The following ARHGEF4 variants were observed in gnomAD, a reference collection of about 807,000 sequenced individuals.
The protein encoded by ARHGEF4 is Rho guanine nucleotide exchange factor 4.
ARHGEF4 carries 119 observed loss-of-function variants against 162.0 expected under a neutral mutation model. That is an observed-to-expected ratio of 0.73 (90% confidence interval 0.63 to 0.86). The LOEUF (loss-of-function observed/expected upper bound fraction) is 0.86. Among genes scored for constraint, ARHGEF4 ranks in the 40% least tolerant of loss-of-function variants. The pLI, the probability that ARHGEF4 is intolerant of heterozygous loss-of-function variation, is 0.00. For missense variants in ARHGEF4, 2,488 were observed against 2,456.0 expected, an observed-to-expected ratio of 1.01 and a Z score of -0.28; for synonymous variants, 1,014 against 979.9, an observed-to-expected ratio of 1.03 and a Z score of -0.65.
intron 4 of ARHGEF4, among the ~76,000 whole-genome samples, chr2:130,982,583 C>CCCCTCCTCCTCCTTT (rs1686195934): frequency 6.9e-6 from 1 of 144,404 alleles, no homozygotes; most frequent in Non-Finnish European, 1.5e-5. Flanking sequence ...CCTTCTCCTC[C>CCCCTCCTCCTCCTTT]CCCTCCTCCT....
chr2:130,971,848 T>G (rs564632849), intron 4 of ARHGEF4, among the ~76,000 whole-genome samples: 12 of 152,302 alleles, frequency 7.9e-5, no homozygotes, highest in African/African-American at 2.6e-4. Flanking sequence ...CAGACCTCAC[T>G]GCAGTGCCTA....
Position 130,916,736 on chromosome 2 carries a change from C to T in ARHGEF4, c.2790C>T (p.Thr930=). 6.4e-7 allele frequency: 1 copy of T among 1,550,590 alleles called. No individual in the cohort carries two copies. Among genetic ancestry groups the T allele is most frequent in the Non-Finnish European group, 8.7e-7 (1 of 1,147,024 alleles). ...CAATAGTTCTAGAGAAAGAGAACAC[C>T]CATGAACGTTCCCCAAGTTCTCCCA... ...IESIVLEKEN[T]HERSPSSPKG... Residue 930 remains threonine (T), a synonymous_variant, in exon 2 of 14, where the codon ACC becomes ACT. Transcript: ENST00000409359.
chr2:130,914,383 G>A lies in ARHGEF4; in HGVS notation c.437G>A (p.Trp146Ter), dbSNP rs1049921697. The A allele has an allele frequency of 1.5e-5, 22 of 1,445,442 alleles. No individual in the cohort carries two copies. Among genetic ancestry groups the A allele is most frequent in the African/African-American group, 2.9e-5 (2 of 70,082 alleles). 89.5% of individuals were successfully genotyped at this position (1,445,442 alleles called of 1,614,324 possible). A position where few individuals can be genotyped will look rare whatever the true frequency, so the allele number is the denominator to read the frequency against. Residue 146 changes from tryptophan to a stop codon, truncating the protein, a stop_gained, in exon 2 of 14, where the codon TGG becomes TAG. Coordinates refer to ENST00000409359, the MANE Select transcript of ARHGEF4 (RefSeq NM_001367493.1). LOFTEE classifies it high-confidence loss of function. ...GAGGATGACTCTTGCAAAAATGGGT[G>A]GCGAGCCTTTGCCACAGTTGCTGGA... Reference protein sequence around the residue: ...SLEDDSCKNGWRAFATVAGEQ... With the variant: ...SLEDDSCKNG
rs1199774001 is a variant in ARHGEF4, at chr2:130,917,108, G to T, written c.3162G>T (p.Ala1054=). 1 of 1,550,392 alleles carries T rather than the reference G, an allele frequency of 6.4e-7. No homozygotes were observed. Among genetic ancestry groups the T allele is most frequent in the Admixed American group, 2.0e-5 (1 of 50,994 alleles). The stretch of plus-strand genomic sequence containing the variant: ...TCTTTCCGGAAAAGTCCTGGCTGGC[G>T]TCCCCCGGCAGCCCTCGGGCCCAGC... ...SGIFPEKSWL[A]SPGSPRAQQA... The change falls in exon 2 of 14, where the codon GCG becomes GCT. Residue 1054 remains alanine (A), a synonymous_variant. Coordinates refer to ENST00000409359, the MANE Select transcript of ARHGEF4 (RefSeq NM_001367493.1).
chr2:131,007,324 TCTC>T (rs1280075450), intron 4 of ARHGEF4, among the ~76,000 whole-genome samples: 1 of 152,092 alleles, frequency 6.6e-6, no homozygotes, highest in African/African-American at 2.4e-5. Flanking sequence ...GTCCCTGTCC[TCTC>T]CTCTCCTCCA....
intron 1 of ARHGEF4, among the ~76,000 whole-genome samples, chr2:130,869,932 C>T (rs895279563): frequency 1.3e-5 from 2 of 152,190 alleles, no homozygotes; most frequent in Non-Finnish European, 1.5e-5. Flanking sequence ...GAACAAGGCC[C>T]CCTCCGTGGA....
intron 13 of ARHGEF4, chr2:131,045,719 C>G: frequency 6.9e-7 from 1 of 1,441,796 alleles, no homozygotes; most frequent in Non-Finnish European, 9.1e-7. Context: ...TCCTTCCTGA[C>G]AGGCATCTGG....
chr2:130,868,955 A>G (rs1682487911), intron 1 of ARHGEF4, among the ~76,000 whole-genome samples: 1 of 152,062 alleles, frequency 6.6e-6, no homozygotes, highest in Non-Finnish European at 1.5e-5. Context: ...GCATCACATC[A>G]CCTTCCGGTG....
At chr2:130,837,038 GCGCGGGTGGGGAGGAGCACAGCC>G in intron 1 of ARHGEF4, 46 bp downstream of exon 1, 1 of 1,225,584 alleles carries the variant, frequency 8.2e-7, no homozygotes, top group Non-Finnish European at 1.0e-6. Flanking sequence ...CCGGCGCCCT[GCGCGGGTGGGGAGGAGCACAGCC>G]CGCGCTGGCT....
Position 130,914,272 on chromosome 2 carries a change from C to T in ARHGEF4, c.326C>T (p.Ser109Leu). 3 of 1,528,170 alleles carry T rather than the reference C, an allele frequency of 2.0e-6. No individual in the cohort carries two copies. The highest frequency in any genetic ancestry group is 2.6e-6 in the Non-Finnish European group (3 of 1,141,746). 94.7% of individuals were successfully genotyped at this position (1,528,170 alleles called of 1,614,324 possible). The change falls in exon 2 of 14, where the codon TCA (serine) becomes TTA (leucine). Residue 109 changes from serine (S) to leucine (L), a missense_variant. Physicochemically the swap from Ser to Leu is moderately radical, Grantham distance 145. This residue lies in a region of ARHGEF4 where 171 missense variants were observed against 169.4 expected (regional missense o/e 1.01). Transcript: ENST00000409359. ...GCACCTTGGGAATACCCTGATGTCTCAGCAACTGGACCCCCTCAGGAGCAG... is the reference window on the plus strand; with the variant it reads ...GCACCTTGGGAATACCCTGATGTCTTAGCAACTGGACCCCCTCAGGAGCAG... ...IEAPWEYPDV[S>L]ATGPPQEQHL... is the part of the protein sequence containing the mutation.
At chr2:130,989,984 C>T (rs1208969239) in intron 4 of ARHGEF4, among the ~76,000 whole-genome samples, 6 of 152,208 alleles carry the variant, frequency 3.9e-5, no homozygotes, top group Non-Finnish European at 7.3e-5. Context: ...CCGCTAAGGA[C>T]CATCACTGAT....
chr2:130,962,217 G>A (rs914580334), intron 4 of ARHGEF4, among the ~76,000 whole-genome samples: 5 of 141,994 alleles, frequency 3.5e-5, no homozygotes, highest in African/African-American at 1.3e-4. Flanking sequence ...CCAGCCTGGC[G>A]ACAGAGCAAG....
Position 131,045,961 on chromosome 2 carries a change from C to T in ARHGEF4, c.5480-77C>T. 3 of 1,545,278 alleles carry T rather than the reference C, an allele frequency of 1.9e-6. No homozygotes were observed. In the South Asian group the frequency reaches 3.7e-5, roughly 19 times the overall value. Reference sequence around the variant, plus strand: ...CTCTGAAGCAGAGCCCTGGGACGGACCCCATGCTGTCCCCAACAGCTGGGG... The same window carrying T: ...CTCTGAAGCAGAGCCCTGGGACGGATCCCATGCTGTCCCCAACAGCTGGGG... On this transcript the variant is annotated intron_variant, in intron 13 of 13. Coordinates refer to ENST00000409359, the MANE Select transcript of ARHGEF4 (RefSeq NM_001367493.1).
chr2:131,040,157 C>T lies in ARHGEF4; in HGVS notation c.4447C>T (p.Arg1483Trp). 17 of 1,613,066 alleles carry T rather than the reference C, an allele frequency of 1.1e-5. No individual in the cohort carries two copies. The highest frequency in any genetic ancestry group is 1.4e-5 in the Non-Finnish European group (16 of 1,179,616). The change falls in exon 7 of 14, where the codon CGG (arginine) becomes TGG (tryptophan). Residue 1483 changes from arginine (R) to tryptophan (W), a missense_variant. Around this residue, in one of 6 missense-constraint regions of ARHGEF4, gnomAD observed 174 missense variants for 148.3 expected, o/e 1.17. Coordinates refer to ENST00000409359, the MANE Select transcript of ARHGEF4 (RefSeq NM_001367493.1). ...CATCAACGAGATCCTCAGCACTGAGCGGGACTACATCAAGCACCTGCGCGA... is the reference window on the plus strand; with the variant it reads ...CATCAACGAGATCCTCAGCACTGAGTGGGACTACATCAAGCACCTGCGCGA... ...NVINEILSTERDYIKHLRDIC... is the reference protein window; with the variant it reads ...NVINEILSTEWDYIKHLRDIC...
chr2:130,999,409 G>A (rs1404921252), intron 4 of ARHGEF4, among the ~76,000 whole-genome samples: 5 of 152,052 alleles, frequency 3.3e-5, no homozygotes, highest in Admixed American at 1.3e-4. Context: ...GCCCGCCTTG[G>A]CCTCCCAAAG....
At chr2:131,006,759 C>G (rs1688138006) in intron 4 of ARHGEF4, among the ~76,000 whole-genome samples, 1 of 152,136 alleles carries the variant, frequency 6.6e-6, no homozygotes, top group African/African-American at 2.4e-5. Context: ...AGGCCACCCA[C>G]CAAAGTACCA....
chr2:131,021,934 GTTAA>G (rs1228929821), intron 4 of ARHGEF4, among the ~76,000 whole-genome samples: 6 of 152,116 alleles, frequency 3.9e-5, no homozygotes, highest in African/African-American at 1.4e-4. Flanking sequence ...CCTTCATTCT[GTTAA>G]TTTAGTGTAT....
intron 3 of ARHGEF4, among the ~76,000 whole-genome samples, chr2:130,933,074 G>A (rs1173147633): frequency 6.6e-6 from 1 of 152,082 alleles, no homozygotes; most frequent in Admixed American, 6.6e-5. Flanking sequence ...AAATTAGCCA[G>A]TGTGGTAGCA....
intron 1 of ARHGEF4, among the ~76,000 whole-genome samples, chr2:130,864,775 T>C (rs1281433982): frequency 4.6e-5 from 7 of 152,228 alleles, no homozygotes; most frequent in Admixed American, 4.6e-4. Flanking sequence ...AAACATGTTC[T>C]AAGAGTAGAT....
Sources: allele counts gnomAD v4.1 joint callset (sites outside exome capture counted in the v4.1 genomes callset), GRCh38; gene constraint gnomAD v4.1.1; regional missense constraint gnomAD v4.1.1; transcripts MANE v1.5; gene names NCBI Gene and HGNC (gene_info 2026-07-23, HGNC 2026-07-21).